COL12A1: variants seen among roughly 807,000 people sequenced by gnomAD.
COL12A1 encodes collagen alpha-1(XII) chain.
Under a neutral mutation model 349.7 loss-of-function variants are expected in COL12A1, and 114 were observed. The observed-to-expected ratio is 0.33, with a 90% CI of 0.28 to 0.38. COL12A1 has a LOEUF of 0.38. COL12A1 is among the 10% of genes least tolerant of loss of function. The pLI, the probability that COL12A1 is intolerant of heterozygous loss-of-function variation, is 1.00. For missense variants in COL12A1, 3,284 were observed against 3,756.9 expected, an observed-to-expected ratio of 0.87 and a Z score of 3.29; for synonymous variants, 1,369 against 1,329.0, an observed-to-expected ratio of 1.03 and a Z score of -0.66.
Position 75,085,080 on chromosome 6 carries a change from G to A in COL12A1, c.*1467C>T. 5.7e-6 allele frequency: 2 copies of A among 353,866 alleles called. No individual in the cohort carries two copies. The highest frequency in any genetic ancestry group is 1.1e-5 in the Non-Finnish European group (2 of 176,082). The allele number at this position is 353,866 out of a possible 1,614,324, so 21.9% of individuals were successfully genotyped here. On this transcript the variant is annotated 3_prime_UTR_variant, in exon 66 of 66. Coordinates refer to ENST00000322507, the MANE Select transcript of COL12A1 (RefSeq NM_004370.6). ...AATCAGAAAGGGTACTCCTGGATGA[G>A]CAACGCTGGAAGAAACACCTCAGAA...
At chr6:75,140,720 G>A (rs1474746179) in intron 27 of COL12A1, among the ~76,000 whole-genome samples, 2 of 150,988 alleles carry the variant, frequency 1.3e-5, no homozygotes, top group African/African-American at 4.9e-5. Flanking sequence ...TTAGGTATAG[G>A]CAGCTGGGCA....
At chr6:75,156,629 A>G (rs551500537) in intron 14 of COL12A1, 106 bp from the exon 15 acceptor site, 1 of 1,028,024 alleles carries the variant, frequency 9.7e-7, no homozygotes, top group Admixed American at 2.5e-5. Flanking sequence ...TTAAATATGT[A>G]CACTGTTCCA....
At chr6:75,120,717 C>G (rs1434890491) in intron 44 of COL12A1, among the ~76,000 whole-genome samples, 1 of 152,064 alleles carries the variant, frequency 6.6e-6, no homozygotes, top group South Asian at 2.1e-4. Flanking sequence ...TTCTTTGAGG[C>G]CCCTCCCTCA....
rs79516185 is a variant in COL12A1 at position 75,135,601 on chromosome 6, G to A, written c.5395-746C>T. 6.4e-3 allele frequency among the ~76,000 whole-genome samples: 971 copies of A among 152,204 alleles called. 39 individuals carry two copies. In the East Asian group the frequency reaches 0.12, roughly 18 times the overall value. On this transcript the variant is annotated intron_variant, in intron 31 of 65. Coordinates refer to ENST00000322507, the MANE Select transcript of COL12A1 (RefSeq NM_004370.6). ...TGTTTATGTCATACTAATTAAAATC[G>A]CATGAAAATGGCACACTGCCCAAAA...
chr6:75,121,942 C>T (rs1373667879), intron 43 of COL12A1, among the ~76,000 whole-genome samples: 1 of 149,604 alleles, frequency 6.7e-6, no homozygotes, highest in Non-Finnish European at 1.5e-5. Flanking sequence ...TCACTGCAAA[C>T]TCCACCTCCC....
chr6:75,130,688 A>C (rs1766256644), intron 36 of COL12A1, among the ~76,000 whole-genome samples, 164 bp downstream of exon 36: 1 of 152,070 alleles, frequency 6.6e-6, no homozygotes, highest in Non-Finnish European at 1.5e-5. Flanking sequence ...CGTCACACAA[A>C]CAACAGTCAC....
chr6:75,115,099 T>A (rs1769013843), intron 49 of COL12A1, among the ~76,000 whole-genome samples: 2 of 152,154 alleles, frequency 1.3e-5, no homozygotes, highest in Admixed American at 6.5e-5. Flanking sequence ...GAATTTTCCA[T>A]CAGCTTTCTC....
At position 75,156,416 on chromosome 6, in the gene COL12A1, G is replaced by A. The variant is rs575168916; in HGVS notation, c.3091C>T (p.Arg1031Cys). ...GKVVNYRVVY[R>C]PHGRGKQMVA... The stretch of plus-strand genomic sequence containing the variant: ...ATTTGCTTCCCTCTCCCATGAGGGC[G>A]ATAGACAACACGGTAGTTGACGACT... Residue 1031 changes from arginine to cysteine, a missense_variant, in exon 15 of 66, where the codon CGC becomes TGC. Arg to Cys is a radical substitution (Grantham distance 180, BLOSUM62 -3). Coordinates refer to ENST00000322507, the MANE Select transcript of COL12A1 (RefSeq NM_004370.6). 3.9e-5 allele frequency: 63 copies of A among 1,613,960 alleles called. No homozygotes were observed. Among genetic ancestry groups the A allele is most frequent in the Admixed American group, 1.8e-4 (11 of 59,968 alleles).
chr6:75,198,150 G>A (rs1770328863), intron 2 of COL12A1, among the ~76,000 whole-genome samples: 1 of 152,162 alleles, frequency 6.6e-6, no homozygotes, highest in Non-Finnish European at 1.5e-5. Flanking sequence ...ATGCAAAGTA[G>A]AAGAAATATT....
At chr6:75,205,257 A>T (rs1325663823) in intron 1 of COL12A1, among the ~76,000 whole-genome samples, 2 of 150,012 alleles carry the variant, frequency 1.3e-5, no homozygotes, top group Non-Finnish European at 3.0e-5. Flanking sequence ...AAGGAGCCAG[A>T]ACACTCCACT....
chr6:75,138,737 A>C, intron 28 of COL12A1, 85 bp downstream of exon 28: 1 of 1,579,774 alleles, frequency 6.3e-7, no homozygotes, highest in East Asian at 2.2e-5. Context: ...TATTGACAAC[A>C]AGAGTAATAC....
In COL12A1 at chr6:75,141,542, T is replaced by C. The variant is rs535535059; in HGVS notation, c.4957+490A>G. 5.8e-4 allele frequency among the ~76,000 whole-genome samples: 88 copies of C among 152,324 alleles called. 1 individual carries two copies. In the South Asian group the frequency reaches 0.017, roughly 30 times the overall value. The stretch of plus-strand genomic sequence containing the variant: ...GACAGCACACAATTTCAGTGCCACC[T>C]GACCTACCTTACATGATCCCATGTA... On this transcript the variant is annotated intron_variant, in intron 27 of 65. Coordinates refer to ENST00000322507, the MANE Select transcript of COL12A1 (RefSeq NM_004370.6).
At chr6:75,129,953 AC>A in intron 37 of COL12A1, 137 bp downstream of exon 37, 1 of 995,270 alleles carries the variant, frequency 1.0e-6, no homozygotes, top group South Asian at 1.7e-5. Context: ...GGTGGTCCCA[AC>A]GTCATGTCAG....
chr6:75,123,180 G>T, intron 43 of COL12A1, 150 bp downstream of exon 43: 1 of 751,280 alleles, frequency 1.3e-6, no homozygotes, highest in Non-Finnish European at 2.3e-6. Flanking sequence ...ACAAATTACT[G>T]GTTATCTTTT....
intron 26 of COL12A1, 137 bp from the exon 27 acceptor site, chr6:75,142,298 G>T: frequency 1.0e-6 from 1 of 1,000,624 alleles, no homozygotes; most frequent in Non-Finnish European, 1.5e-6. Context: ...ATATACATGA[G>T]AATCCAGAAA....
intron 63 of COL12A1, among the ~76,000 whole-genome samples, chr6:75,089,822 A>G (rs1767671207): frequency 6.6e-6 from 1 of 152,216 alleles, no homozygotes; most frequent in Admixed American, 6.5e-5. Flanking sequence ...AGAGAGTAAT[A>G]AGATTTGGGT....
Position 75,151,769 on chromosome 6 carries a change from G to GTT in COL12A1, c.4000+97_4000+98insAA, listed in dbSNP as rs148067907. The GTT allele has an allele frequency of 2.6e-5, 32 of 1,234,754 alleles. No homozygotes were observed. The African/African-American group carries it at 2.8e-4, about 11-fold the overall frequency. The allele number at this position is 1,234,754 out of a possible 1,614,324, so 76.5% of individuals were successfully genotyped here. ...TAAATTATGTGATAGAAAAAAATGG[G>GTT]TATTTTTTTTCATGCTTCAGATAAA... On this transcript the variant is annotated intron_variant, in intron 20 of 65. Coordinates refer to ENST00000322507, the MANE Select transcript of COL12A1 (RefSeq NM_004370.6).
intron 13 of COL12A1, among the ~76,000 whole-genome samples, chr6:75,170,916 A>G (rs1358813689): frequency 5.3e-5 from 8 of 152,260 alleles, no homozygotes; most frequent in African/African-American, 1.9e-4. Context: ...CCAGGACATT[A>G]GCAGGTTGCT....
In COL12A1 at chr6:75,091,318, T is replaced by G. The variant is rs1367040695; in HGVS notation, c.8752+5A>C. On this transcript the variant is annotated splice_donor_5th_base_variant and intron_variant, in intron 62 of 65. Coordinates refer to ENST00000322507, the MANE Select transcript of COL12A1 (RefSeq NM_004370.6). ...TTCATACAGTAAAAAGAAAAGAAAT[T>G]TTACCACTTATCAATTGTTCACAGA... 1.9e-6 allele frequency: 3 copies of G among 1,610,926 alleles called. No individual in the cohort carries two copies. The highest frequency in any genetic ancestry group is 2.5e-6 in the Non-Finnish European group (3 of 1,179,242).
Sources: allele counts gnomAD v4.1 joint callset (sites outside exome capture counted in the v4.1 genomes callset), GRCh38; gene constraint gnomAD v4.1.1; transcripts MANE v1.5; gene names NCBI Gene and HGNC (gene_info 2026-07-23, HGNC 2026-07-21).